The following FNDC1 variants were observed in gnomAD, a reference collection of about 807,000 sequenced individuals.
FNDC1 encodes the protein fibronectin type III domain containing 1, also known as fibronectin type III domain-containing protein 1.
A neutral mutation model predicts 168.0 loss-of-function variants in FNDC1; 96 were observed. The observed-to-expected ratio is 0.57, with a 90% CI of 0.48 to 0.68. The LOEUF (loss-of-function observed/expected upper bound fraction) is 0.68. FNDC1 is among the 30% of genes least tolerant of loss of function. The pLI, the probability that FNDC1 is intolerant of heterozygous loss-of-function variation, is 0.00. For missense variants in FNDC1, 2,587 were observed against 2,482.1 expected, an observed-to-expected ratio of 1.04 and a Z score of -0.90; for synonymous variants, 1,099 against 1,025.9, an observed-to-expected ratio of 1.07 and a Z score of -1.36.
chr6:159,269,507 C>CATCCATCCATCT (rs1562316120), intron 22 of FNDC1, among the ~76,000 whole-genome samples: 17 of 115,432 alleles, frequency 1.5e-4, no homozygotes, highest in Middle Eastern at 4.7e-3. Context: ...TCTATCCATC[C>CATCCATCCATCT]ATCCATGCAT....
intron 16 of FNDC1, 55 bp from the exon 17 acceptor site, chr6:159,251,247 C>T (rs1357850742): frequency 3.8e-6 from 5 of 1,330,000 alleles, no homozygotes; most frequent in Non-Finnish European, 5.3e-6. Context: ...TGCTATGTTT[C>T]TGCCTCCAGA....
chr6:159,232,553 C>A lies in FNDC1; in HGVS notation c.2041C>A (p.Leu681Ile). The change falls in exon 11 of 23, where the codon CTC (leucine) becomes ATC (isoleucine). Residue 681 changes from leucine to isoleucine, a missense_variant. Leu to Ile is a conservative substitution (Grantham distance 5, BLOSUM62 2). Coordinates refer to ENST00000297267, the MANE Select transcript of FNDC1 (RefSeq NM_032532.3). The surrounding 1 kb of genome is among the most constrained non-coding windows in gnomAD (Gnocchi z 4.9). ...SPSRQSPSSV[L>I]RDRSSVHPGA... ...CAGCCGCCAGTCCCCGTCCAGCGTT[C>A]TCCGCGACAGAAGCTCTGTGCACCC... 1.9e-6 allele frequency: 3 copies of A among 1,612,078 alleles called. No homozygotes were observed. Among genetic ancestry groups the A allele is most frequent in the Non-Finnish European group, 2.5e-6 (3 of 1,179,142 alleles).
At chr6:159,227,646 CTTTTT>C (rs10537794) in intron 9 of FNDC1, among the ~76,000 whole-genome samples, 1 of 135,970 alleles carries the variant, frequency 7.4e-6, no homozygotes, top group African/African-American at 2.6e-5. Flanking sequence ...TCTTCTTTCT[CTTTTT>C]TTTTTTTTTT....
At chr6:159,192,277 T>C (rs1782157811) in intron 1 of FNDC1, among the ~76,000 whole-genome samples, 1 of 152,182 alleles carries the variant, frequency 6.6e-6, no homozygotes, top group Admixed American at 6.5e-5. Context: ...GAAGTAACTA[T>C]ATGTCATTAA....
intron 1 of FNDC1, among the ~76,000 whole-genome samples, chr6:159,194,162 A>G (rs1329884831): frequency 6.6e-6 from 1 of 152,208 alleles, no homozygotes; most frequent in African/African-American, 2.4e-5. Flanking sequence ...AATTCTTTTC[A>G]TTTAACCCAA....
chr6:159,268,498 A>G (rs1158458939), intron 22 of FNDC1, among the ~76,000 whole-genome samples: 1 of 152,218 alleles, frequency 6.6e-6, no homozygotes, highest in African/African-American at 2.4e-5. Flanking sequence ...AGAAAAGAGT[A>G]AAATAAGCAT....
At chr6:159,217,275 C>T (rs1782728496) in intron 5 of FNDC1, among the ~76,000 whole-genome samples, 2 of 152,154 alleles carry the variant, frequency 1.3e-5, no homozygotes. Flanking sequence ...ACAGCCAAGG[C>T]TGGCGCGGAA....
At chr6:159,193,266 AC>A (rs1328559347) in intron 1 of FNDC1, among the ~76,000 whole-genome samples, 6 of 152,078 alleles carry the variant, frequency 3.9e-5, no homozygotes, top group Admixed American at 3.9e-4. Context: ...GAGCCTGGAC[AC>A]CTTTTGTCTG....
At chr6:159,263,252 G>A (rs1422624918) in intron 19 of FNDC1, among the ~76,000 whole-genome samples, 2 of 152,128 alleles carry the variant, frequency 1.3e-5, no homozygotes, top group African/African-American at 2.4e-5. Context: ...GATAGCAGAG[G>A]ACATCAGAAC....
chr6:159,205,800 G>T (rs1050398259), intron 4 of FNDC1, among the ~76,000 whole-genome samples: 2 of 152,166 alleles, frequency 1.3e-5, no homozygotes, highest in African/African-American at 4.8e-5. Context: ...CTGAACAAAT[G>T]GCTGTTTTCC....
rs1226813802 is a variant in FNDC1 at position 159,266,088 on chromosome 6, T to C, written c.5289T>C (p.Gly1763=). The C allele has an allele frequency of 5.6e-6, 9 of 1,613,718 alleles. No individual in the cohort carries two copies. Among genetic ancestry groups the C allele is most frequent in the Non-Finnish European group, 7.6e-6 (9 of 1,179,738 alleles). ...NPLLVVRPPG[G]EPIWIPFAFK... is the part of the protein sequence containing the mutation. ...GGTGTGTTTTGTGTTGTCAAGGCGGTGAGCCTATCTGGATCCCATTCGCTT... is the reference window on the plus strand; with the variant it reads ...GGTGTGTTTTGTGTTGTCAAGGCGGCGAGCCTATCTGGATCCCATTCGCTT... Residue 1763 remains glycine, a synonymous_variant, in exon 21 of 23, where the codon GGT becomes GGC. Coordinates refer to ENST00000297267, the MANE Select transcript of FNDC1 (RefSeq NM_032532.3).
chr6:159,265,883 G>A (rs574221489), intron 20 of FNDC1, among the ~76,000 whole-genome samples: 12 of 152,216 alleles, frequency 7.9e-5, no homozygotes, highest in East Asian at 1.9e-4. Flanking sequence ...AGCCGAGATC[G>A]TGCCACTGCA....
At chr6:159,176,744 C>A (rs921376084) in intron 1 of FNDC1, among the ~76,000 whole-genome samples, 1 of 152,026 alleles carries the variant, frequency 6.6e-6, no homozygotes, top group Admixed American at 6.6e-5. Context: ...GGTGGCATGT[C>A]GCTGGGTCAG....
At chr6:159,226,602 C>T in intron 9 of FNDC1, 22 bp downstream of exon 9, 1 of 1,536,820 alleles carries the variant, frequency 6.5e-7, no homozygotes. Context: ...ACTCCCTAAA[C>T]TGTAAGATGC....
chr6:159,207,351 C>A (rs993727338), intron 4 of FNDC1, among the ~76,000 whole-genome samples: 11 of 152,134 alleles, frequency 7.2e-5, no homozygotes, highest in African/African-American at 2.7e-4. Flanking sequence ...ATGGGTGGTC[C>A]CTGCCTGTGC....
At chr6:159,181,837 T>A (rs1239178926) in intron 1 of FNDC1, among the ~76,000 whole-genome samples, 1 of 152,234 alleles carries the variant, frequency 6.6e-6, no homozygotes, top group South Asian at 2.1e-4. Context: ...GCAGTCTTGT[T>A]CTACCACAGA....
rs763914241 is a variant in FNDC1, at chr6:159,232,276, G to A, written c.1764G>A (p.Met588Ile). 2.5e-6 allele frequency: 4 copies of A among 1,610,690 alleles called. No individual in the cohort carries two copies. The Admixed American group carries it at 6.7e-5, about 27-fold the overall frequency. The change falls in exon 11 of 23, where the codon ATG (methionine) becomes ATA (isoleucine). Residue 588 changes from methionine (M) to isoleucine (I), a missense_variant. Transcript: ENST00000297267. The surrounding 1 kb of genome is among the most constrained non-coding windows in gnomAD (Gnocchi z 4.9). ...GCAGGACTGCAGTGAGGGCCCGGAT[G>A]CCAGCGCTGCCCCGAAGGGAAGGCG... ...APGRTAVRAR[M>I]PALPRREGVD...
intron 3 of FNDC1, 98 bp from the exon 4 acceptor site, chr6:159,200,415 T>C (rs910455739): frequency 4.2e-6 from 4 of 954,124 alleles, no homozygotes; most frequent in Non-Finnish European, 6.4e-6. Context: ...TTGAAGATGG[T>C]TGAAAAGATC....
intron 17 of FNDC1, among the ~76,000 whole-genome samples, chr6:159,255,787 T>C (rs1183001645): frequency 2.6e-5 from 4 of 152,204 alleles, no homozygotes; most frequent in Admixed American, 1.3e-4. Context: ...AAATGTTTTC[T>C]CCTTCTGTGT....
Sources: gnomAD v4.1 joint callset for allele counts (sites outside exome capture counted in the v4.1 genomes callset) on GRCh38, gnomAD v4.1.1 for gene constraint, Gnocchi (gnomAD v3.1) non-coding constraint, MANE v1.5 for transcripts, NCBI Gene and HGNC (gene_info 2026-07-23, HGNC 2026-07-21) for gene names.